Variants in ADGRG7 observed in about 807,000 individuals in gnomAD.
ADGRG7 encodes G-protein coupled receptor 128.
ADGRG7 carries 82 observed loss-of-function variants against 88.6 expected under a neutral mutation model. That is an observed-to-expected ratio of 0.93 (90% CI 0.77 to 1.11). The LOEUF (loss-of-function observed/expected upper bound fraction) is 1.11, where lower values mean the gene tolerates loss of function less well. ADGRG7 is among the 50% of genes most tolerant of loss of function. The pLI, the probability that ADGRG7 is intolerant of heterozygous loss-of-function variation, is 0.00. For synonymous variants in ADGRG7, 381 were observed against 345.2 expected, an observed-to-expected ratio of 1.10 and a Z score of -1.15; for missense variants, 945 against 953.4, an observed-to-expected ratio of 0.99 and a Z score of 0.12.
intron 14 of ADGRG7, among the ~76,000 whole-genome samples, chr3:100,660,907 G>T (rs1191067170): frequency 6.7e-6 from 1 of 149,928 alleles, no homozygotes; most frequent in Non-Finnish European, 1.5e-5. Context: ...AGCTGAGATT[G>T]CACCATTGCA....
At chr3:100,665,088 C>T in intron 14 of ADGRG7, 2 of 504,286 alleles carry the variant, frequency 4.0e-6, no homozygotes. Context: ...AACCATTCTT[C>T]AGTCAGTTCT....
chr3:100,624,259 C>T (rs1424793457), intron 1 of ADGRG7, among the ~76,000 whole-genome samples: 10 of 152,146 alleles, frequency 6.6e-5, no homozygotes, highest in East Asian at 5.8e-4. Context: ...TATCTCTTTG[C>T]GGTTTTGATT....
intron 9 of ADGRG7, 22 bp downstream of exon 9, chr3:100,646,130 C>A (rs1412908642): frequency 3.6e-6 from 5 of 1,389,966 alleles, no homozygotes; most frequent in Admixed American, 2.2e-5. Context: ...ATTGCAGATG[C>A]AAGAAAAAAG....
chr3:100,614,885 T>G (rs1048069095), intron 1 of ADGRG7, among the ~76,000 whole-genome samples: 19 of 152,200 alleles, frequency 1.2e-4, no homozygotes, highest in Non-Finnish European at 2.6e-4. Flanking sequence ...TTAAAAGCAT[T>G]GAAAATGTGT....
At chr3:100,666,114 T>G (rs897373114) in intron 14 of ADGRG7, among the ~76,000 whole-genome samples, 2 of 151,260 alleles carry the variant, frequency 1.3e-5, no homozygotes, top group Non-Finnish European at 2.9e-5. Flanking sequence ...TGCAGTGGCG[T>G]GATCTCGGCC....
chr3:100,689,442 G>A (rs146219755), intron 15 of ADGRG7, among the ~76,000 whole-genome samples: 6,029 of 152,180 alleles, frequency 0.04, 395 homozygotes, highest in African/African-American at 0.14. Context: ...TATTTTGCTC[G>A]TTAGTTGATG....
intron 6 of ADGRG7, among the ~76,000 whole-genome samples, chr3:100,640,812 G>A (rs761471583): frequency 1.3e-5 from 2 of 152,022 alleles, no homozygotes; most frequent in South Asian, 2.1e-4. Context: ...GTGAGCCACC[G>A]CGACGGGCTG....
intron 1 of ADGRG7, among the ~76,000 whole-genome samples, chr3:100,618,600 T>C (rs1334983442): frequency 6.6e-6 from 1 of 152,368 alleles, no homozygotes; most frequent in Non-Finnish European, 1.5e-5. Context: ...ACCAGTACCA[T>C]GCTGTTTTGG....
At chr3:100,621,784 T>C (rs1707314734) in intron 1 of ADGRG7, among the ~76,000 whole-genome samples, 1 of 152,178 alleles carries the variant, frequency 6.6e-6, no homozygotes. Flanking sequence ...CAGGCTTCTA[T>C]TGAAAGAAGA....
In ADGRG7 at chr3:100,645,959, T is replaced by C; in HGVS notation, c.961T>C (p.Cys321Arg). 6.2e-7 allele frequency: 1 copy of C among 1,613,760 alleles called. No individual in the cohort carries two copies. Among genetic ancestry groups the C allele is most frequent in the Non-Finnish European group, 8.5e-7 (1 of 1,179,914 alleles). ...TCTCCCTATAGATTACACCAAGACATGCGGCTTTGTAGTTTATCAAAATGA... is the reference window on the plus strand; with the variant it reads ...TCTCCCTATAGATTACACCAAGACACGCGGCTTTGTAGTTTATCAAAATGA... Reference protein sequence around the residue: ...LNMTKNYTKTCGFVVYQNDKL... With the variant: ...LNMTKNYTKTRGFVVYQNDKL... Residue 321 changes from cysteine to arginine, a missense_variant, in exon 9 of 16, where the codon TGC (cysteine) becomes CGC (arginine). Coordinates refer to ENST00000273352, the MANE Select transcript of ADGRG7 (RefSeq NM_032787.3).
In ADGRG7 at chr3:100,685,745, G is replaced by T. The variant is rs1395377723; in HGVS notation, c.2137-8999G>T. On this transcript the variant is annotated intron_variant, in intron 15 of 15. Coordinates refer to ENST00000273352, the MANE Select transcript of ADGRG7 (RefSeq NM_032787.3). ...CTGCATAGTATTCCATGGTGTATAT[G>T]TGCCACATTTTCTTCATCCAGTCTA... Among the ~76,000 whole-genome samples, 5 of 152,086 alleles carry T rather than the reference G, an allele frequency of 3.3e-5. No individual in the cohort carries two copies. The East Asian group carries it at 9.6e-4, about 29-fold the overall frequency.
At chr3:100,659,256 C>G (rs944732779) in intron 13 of ADGRG7, among the ~76,000 whole-genome samples, 4 of 151,286 alleles carry the variant, frequency 2.6e-5, no homozygotes, top group Non-Finnish European at 5.9e-5. Context: ...CACGGTGAAA[C>G]TCCGTCTCTA....
intron 15 of ADGRG7, among the ~76,000 whole-genome samples, chr3:100,690,714 A>G (rs1047632577): frequency 2.6e-5 from 4 of 152,096 alleles, no homozygotes; most frequent in Non-Finnish European, 5.9e-5. Context: ...CTGCTGCCTG[A>G]TCGTTCCTCT....
At chr3:100,660,718 G>A (rs1047515132) in intron 14 of ADGRG7, among the ~76,000 whole-genome samples, 1 of 151,902 alleles carries the variant, frequency 6.6e-6, no homozygotes, top group Non-Finnish European at 1.5e-5. Flanking sequence ...TTTGGGAGGC[G>A]GGGGTGGGTG....
intron 14 of ADGRG7, among the ~76,000 whole-genome samples, chr3:100,663,850 G>A (rs1314565853): frequency 6.6e-6 from 1 of 151,820 alleles, no homozygotes; most frequent in Non-Finnish European, 1.5e-5. Flanking sequence ...CAGAATCCTT[G>A]CTTTATGCCA....
At chr3:100,626,109 G>T (rs1315478798) in intron 1 of ADGRG7, among the ~76,000 whole-genome samples, 1 of 152,178 alleles carries the variant, frequency 6.6e-6, no homozygotes, top group Non-Finnish European at 1.5e-5. Flanking sequence ...GGTATCTCTG[G>T]TAGAATGCAG....
chr3:100,629,222 C>A (rs963043457), intron 1 of ADGRG7, among the ~76,000 whole-genome samples: 2 of 152,064 alleles, frequency 1.3e-5, no homozygotes, highest in African/African-American at 4.8e-5. Flanking sequence ...TGTCATCAAC[C>A]TCTCTCCTAT....
chr3:100,648,695 T>C (rs1435875134), intron 10 of ADGRG7, among the ~76,000 whole-genome samples: 2 of 152,148 alleles, frequency 1.3e-5, no homozygotes, highest in Non-Finnish European at 2.9e-5. Context: ...TGGTGTGGGG[T>C]AGCAGGCAGT....
At chr3:100,641,630 G>GCTTAA (rs1365710003) in intron 6 of ADGRG7, among the ~76,000 whole-genome samples, 21 of 152,216 alleles carry the variant, frequency 1.4e-4, no homozygotes, top group African/African-American at 5.1e-4. Context: ...AGTCTCCAGG[G>GCTTAA]CTTAACTTCC....
Sources: gnomAD v4.1 joint callset for allele counts (sites outside exome capture counted in the v4.1 genomes callset) on GRCh38, gnomAD v4.1.1 for gene constraint, MANE v1.5 for transcripts, NCBI Gene and HGNC (gene_info 2026-07-23, HGNC 2026-07-21) for gene names.